The following SLC11A2 variants were observed in gnomAD, a reference collection of about 807,000 sequenced individuals.
The protein encoded by SLC11A2 is natural resistance-associated macrophage protein 2.
Under a neutral mutation model 68.0 loss-of-function variants are expected in SLC11A2, and 38 were observed. The observed-to-expected ratio is 0.56, with a 90% CI of 0.43 to 0.73. The LOEUF (loss-of-function observed/expected upper bound fraction) is 0.73. Ranked by LOEUF, SLC11A2 falls within the 30% of genes least tolerant of loss-of-function variation. The pLI is 0.00. For synonymous variants in SLC11A2, 242 were observed against 250.6 expected, an observed-to-expected ratio of 0.97 and a Z score of 0.32; for missense variants, 517 against 690.5, an observed-to-expected ratio of 0.75 and a Z score of 2.82.
chr12:50,982,185 C>T (rs1420523065), downstream of SLC11A2, among the ~76,000 whole-genome samples: 2 of 152,164 alleles, frequency 1.3e-5, no homozygotes, highest in African/African-American at 4.8e-5. Flanking sequence ...CAATCCTGAG[C>T]CCTATTATCC....
At chr12:50,953,656 T>C in the SLC11A2 span, among the ~76,000 whole-genome samples, 12 of 152,248 alleles carry the variant, frequency 7.9e-5, no homozygotes, top group Non-Finnish European at 1.5e-4. Flanking sequence ...TCAAATACAG[T>C]GCTTGTGGAA....
chr12:50,976,128 C>T (rs148653541), downstream of SLC11A2, among the ~76,000 whole-genome samples: 19,384 of 152,008 alleles, frequency 0.13, 1,584 homozygotes, highest in East Asian at 0.41. Flanking sequence ...GGGAATCCTC[C>T]CTAACTCATT....
the SLC11A2 span, among the ~76,000 whole-genome samples, chr12:50,956,956 T>A: frequency 6.6e-6 from 1 of 152,096 alleles, no homozygotes; most frequent in Non-Finnish European, 1.5e-5. Flanking sequence ...GGGTTTTACC[T>A]GTTTCCTCAT....
Position 51,008,484 on chromosome 12 carries a change from C to T in SLC11A2, c.175G>A (p.Glu59Lys), listed in dbSNP as rs749103851. The T allele has an allele frequency of 6.2e-7, 1 of 1,613,342 alleles. No homozygotes were observed. Among genetic ancestry groups the T allele is most frequent in the South Asian group, 1.1e-5 (1 of 91,074 alleles). Residue 59 changes from glutamate (E) to lysine (K), a missense_variant, in exon 3 of 16, where the codon GAG (glutamate) becomes AAG (lysine). Coordinates refer to ENST00000262052, the MANE Select transcript of SLC11A2 (RefSeq NM_000617.3). ...TYFNEKISIP[E>K]EEYSCFSFRK... ...AAGGACCTGATACTAACCTCCTCCT[C>T]AGGAATGGAGATCTTCTCATTAAAG...
At chr12:50,972,673 T>C in the SLC11A2 span, among the ~76,000 whole-genome samples, 1 of 152,202 alleles carries the variant, frequency 6.6e-6, no homozygotes, top group African/African-American at 2.4e-5. Flanking sequence ...GCACCGAGCA[T>C]GAGCCGAAGC....
At chr12:50,957,959 T>TGC in the SLC11A2 span, among the ~76,000 whole-genome samples, 2 of 124,498 alleles carry the variant, frequency 1.6e-5, no homozygotes, top group Non-Finnish European at 3.3e-5. Flanking sequence ...TGTGTGTGTG[T>TGC]GTGTGTGTGT....
At chr12:50,996,383 T>C (rs1025378509) in intron 9 of SLC11A2, among the ~76,000 whole-genome samples, 7 of 152,176 alleles carry the variant, frequency 4.6e-5, no homozygotes, top group Admixed American at 4.6e-4. Context: ...GAGACCAGCC[T>C]GGCCAACATG....
At chr12:50,996,791 G>C in intron 9 of SLC11A2, 26 bp downstream of exon 9, 1 of 1,611,604 alleles carries the variant, frequency 6.2e-7, no homozygotes, top group South Asian at 1.1e-5. Context: ...TGTCTAGGAG[G>C]TGAAGGAGAT....
At chr12:51,019,072 G>C (rs548349481) in intron 1 of SLC11A2, among the ~76,000 whole-genome samples, 124 of 152,176 alleles carry the variant, frequency 8.1e-4, no homozygotes, top group African/African-American at 2.9e-3. Context: ...ATAAATGCTA[G>C]CAAGAATGCG....
downstream of SLC11A2, among the ~76,000 whole-genome samples, chr12:50,984,787 A>T (rs1592295761): frequency 6.6e-6 from 1 of 152,334 alleles, no homozygotes; most frequent in East Asian, 1.9e-4. Flanking sequence ...ACCAGTTGGC[A>T]ACTTCTGCCT....
chr12:50,983,005 G>A (rs1335594688), downstream of SLC11A2, among the ~76,000 whole-genome samples: 3 of 150,402 alleles, frequency 2.0e-5, no homozygotes, highest in African/African-American at 7.3e-5. Flanking sequence ...TAGATGGTTT[G>A]TGTTGGGACC....
chr12:51,009,410 G>T, intron 2 of SLC11A2: 2 of 699,138 alleles, frequency 2.9e-6, no homozygotes, highest in Non-Finnish European at 3.9e-6. Flanking sequence ...GGGATACCCT[G>T]CCAGAAATAC....
chr12:50,979,971 A>G, downstream of SLC11A2: 1 of 453,980 alleles, frequency 2.2e-6, no homozygotes, highest in Non-Finnish European at 4.4e-6. Context: ...CACGCCTATA[A>G]TCTCAGCACT....
rs1019089908 is a variant in SLC11A2, at chr12:50,986,055, A to C, written c.*2270T>G. 8.9e-6 allele frequency: 11 copies of C among 1,240,306 alleles called. No individual in the cohort carries two copies. Among genetic ancestry groups the C allele is most frequent in the Non-Finnish European group, 1.1e-5 (11 of 969,860 alleles). 76.8% of individuals were successfully genotyped at this position (1,240,306 alleles called of 1,614,324 possible). On this transcript the variant is annotated 3_prime_UTR_variant, in exon 16 of 16. Transcript: ENST00000262052. ...TACATACGGTTAAATGGTTACTAAA[A>C]GCTCAGTTGTAACCACTCCTAACAC...
chr12:51,002,247 CAG>C (rs1240915415), intron 5 of SLC11A2, among the ~76,000 whole-genome samples: 2 of 152,198 alleles, frequency 1.3e-5, no homozygotes, highest in Admixed American at 1.3e-4. Context: ...ATTCAAGAGA[CAG>C]AGGTAGGAAG....
the SLC11A2 span, among the ~76,000 whole-genome samples, chr12:50,962,258 A>T: frequency 1.3e-5 from 2 of 149,860 alleles, no homozygotes; most frequent in African/African-American, 5.0e-5. Flanking sequence ...CACACACACA[A>T]AATAGCTGGG....
At chr12:50,954,187 A>AT in the SLC11A2 span, 1 of 735,262 alleles carries the variant, frequency 1.4e-6, no homozygotes, top group African/African-American at 1.8e-5. Context: ...TTATAATTGA[A>AT]TTTTTTCAGA....
chr12:50,975,493 G>A (rs1360998485), downstream of SLC11A2, among the ~76,000 whole-genome samples: 2 of 152,208 alleles, frequency 1.3e-5, no homozygotes, highest in Non-Finnish European at 2.9e-5. Context: ...TTAAAGCAGT[G>A]TGTAGAGGGA....
chr12:51,011,953 G>A (rs1014404378), intron 1 of SLC11A2, among the ~76,000 whole-genome samples: 85 of 152,244 alleles, frequency 5.6e-4, no homozygotes, highest in Non-Finnish European at 9.7e-4. Context: ...GAAAGGGTAG[G>A]AAAAAGCACC....
Sources: allele counts gnomAD v4.1 joint callset (sites outside exome capture counted in the v4.1 genomes callset), GRCh38; gene constraint gnomAD v4.1.1; transcripts MANE v1.5; gene names NCBI Gene and HGNC (gene_info 2026-07-23, HGNC 2026-07-21).